Variants in NAV2 observed in about 807,000 individuals in gnomAD.
NAV2 encodes the protein neuron navigator 2.
Under a neutral mutation model 223.2 loss-of-function variants are expected in NAV2, and 54 were observed. The ratio of observed to expected loss-of-function variants is 0.24; its 90% confidence interval spans 0.19 to 0.30. NAV2 has a LOEUF of 0.30. Ranked by LOEUF, NAV2 falls within the 10% of genes least tolerant of loss-of-function variation. The pLI, the probability that NAV2 is intolerant of heterozygous loss-of-function variation, is 1.00. For missense variants in NAV2, 2,806 were observed against 3,147.5 expected, an observed-to-expected ratio of 0.89 and a Z score of 2.60; for synonymous variants, 1,279 against 1,239.3, an observed-to-expected ratio of 1.03 and a Z score of -0.67.
intron 10 of NAV2, among the ~76,000 whole-genome samples, chr11:19,969,717 C>T (rs1461724736): frequency 3.3e-5 from 5 of 151,960 alleles, no homozygotes; most frequent in Middle Eastern, 3.4e-3. Context: ...CTGAGGCGGG[C>T]GGATAATGAG....
At chr11:19,685,020 A>T (rs1033543347) in intron 1 of NAV2, among the ~76,000 whole-genome samples, 2 of 152,150 alleles carry the variant, frequency 1.3e-5, no homozygotes, top group African/African-American at 4.8e-5. Flanking sequence ...TCCTTCCCTC[A>T]TTCTAGCTGT....
chr11:19,617,499 G>T (rs1222948060), intron 1 of NAV2, among the ~76,000 whole-genome samples: 1 of 152,192 alleles, frequency 6.6e-6, no homozygotes, highest in Non-Finnish European at 1.5e-5. Flanking sequence ...GACAGACACA[G>T]GCCTGCCTTC....
At chr11:19,786,708 G>T (rs2057143143) in intron 1 of NAV2, among the ~76,000 whole-genome samples, 1 of 152,190 alleles carries the variant, frequency 6.6e-6, no homozygotes, top group South Asian at 2.1e-4. Flanking sequence ...GGAACCTGGG[G>T]GAGAGGGAAA....
rs145082389 is a variant in NAV2 at position 20,076,616 on chromosome 11, C to G, written c.4984-936C>G. Among the ~76,000 whole-genome samples the G allele has an allele frequency of 2.4e-3, 359 of 152,284 alleles. 2 individuals carry two copies. The highest frequency in any genetic ancestry group is 4.5e-3 in the Admixed American group (69 of 15,290). On this transcript the variant is annotated intron_variant, in intron 22 of 37. Coordinates refer to ENST00000349880, the MANE Select transcript of NAV2 (RefSeq NM_145117.5). Reference sequence around the variant, plus strand: ...TAATAACATTACCAGGATTCTCATTCAATCAACTAATATATCACCTACTAC... The same window carrying G: ...TAATAACATTACCAGGATTCTCATTGAATCAACTAATATATCACCTACTAC...
intron 1 of NAV2, among the ~76,000 whole-genome samples, chr11:19,704,734 C>T (rs1283789047): frequency 1.3e-5 from 2 of 152,064 alleles, no homozygotes; most frequent in African/African-American, 2.4e-5. Flanking sequence ...GAATAGAGGC[C>T]GGGCGCGGTG....
intron 1 of NAV2, among the ~76,000 whole-genome samples, chr11:19,552,385 A>G (rs2044716508): frequency 6.6e-6 from 1 of 152,122 alleles, no homozygotes; most frequent in African/African-American, 2.4e-5. Context: ...ACTTCTCTGA[A>G]TCAATTCCCA....
chr11:19,956,720 C>A (rs1021143765), intron 10 of NAV2, among the ~76,000 whole-genome samples: 1 of 152,164 alleles, frequency 6.6e-6, no homozygotes, highest in African/African-American at 2.4e-5. Context: ...ACCCTGGAAG[C>A]TCTCTGAGTC....
intron 3 of NAV2, among the ~76,000 whole-genome samples, chr11:19,868,374 C>A (rs1380541412): frequency 2.0e-5 from 3 of 152,202 alleles, no homozygotes; most frequent in Admixed American, 2.0e-4. Flanking sequence ...ATCTCACAGA[C>A]TCTCGTGGGT....
rs560737009 is a variant in NAV2, at chr11:19,362,896, A to T, written c.75+11869A>T. ...ATTTGTTTATCAATTCATTCATTTG[A>T]TCATCCAGTCATTCAACAATTAATG... On this transcript the variant is annotated intron_variant, in intron 1 of 37. Coordinates refer to the NAV2 transcript ENST00000360655. Among the ~76,000 whole-genome samples the T allele has an allele frequency of 4.6e-5, 7 of 152,354 alleles. 1 individual carries two copies. Among genetic ancestry groups the T allele is most frequent in the Admixed American group, 4.6e-4 (7 of 15,306 alleles).
intron 1 of NAV2, among the ~76,000 whole-genome samples, chr11:19,508,511 C>T (rs997061195): frequency 1.3e-5 from 2 of 152,254 alleles, no homozygotes; most frequent in South Asian, 2.1e-4. Context: ...GGCTTCTCTT[C>T]GCAGTTCTCA....
intron 1 of NAV2, among the ~76,000 whole-genome samples, chr11:19,381,155 C>T (rs1450674933): frequency 2.0e-5 from 3 of 152,158 alleles, no homozygotes; most frequent in Admixed American, 1.3e-4. Flanking sequence ...ATCTAGGAAG[C>T]CTTCACTGAC....
In NAV2 at chr11:20,021,499, C is replaced by T. The variant is rs559370406; in HGVS notation, c.2769-14460C>T. 1.1e-4 allele frequency among the ~76,000 whole-genome samples: 16 copies of T among 152,288 alleles called. No individual in the cohort carries two copies. In the South Asian group the frequency reaches 3.3e-3, roughly 32 times the overall value. On this transcript the variant is annotated intron_variant, in intron 11 of 37. Coordinates refer to ENST00000349880, the MANE Select transcript of NAV2 (RefSeq NM_145117.5). ...ATACACACAATCACCATCCCATTCCCAAGTTAACTCGGATGTTGGACAGAT... is the reference window on the plus strand; with the variant it reads ...ATACACACAATCACCATCCCATTCCTAAGTTAACTCGGATGTTGGACAGAT...
chr11:19,714,298 C>A (rs1023700566), intron 1 of NAV2: 15 of 544,610 alleles, frequency 2.8e-5, no homozygotes, highest in African/African-American at 2.2e-4. Context: ...GAGGTCTTGG[C>A]CCCAAGAAGC....
At chr11:19,500,111 T>C (rs1203712273) in intron 1 of NAV2, among the ~76,000 whole-genome samples, 3 of 152,180 alleles carry the variant, frequency 2.0e-5, no homozygotes, top group Non-Finnish European at 2.9e-5. Context: ...CCAAGTGATA[T>C]GTCTTAGCCA....
At chr11:20,083,273 C>T in intron 26 of NAV2, 94 bp downstream of exon 26, 1 of 986,120 alleles carries the variant, frequency 1.0e-6, no homozygotes, top group East Asian at 2.4e-5. Flanking sequence ...ACATCTGCTC[C>T]TTGGGATCCT....
chr11:19,548,814 C>A (rs1289198197), intron 1 of NAV2, among the ~76,000 whole-genome samples: 5 of 145,674 alleles, frequency 3.4e-5, no homozygotes, highest in Non-Finnish European at 5.9e-5. Context: ...GAAGGCGGAG[C>A]TTGCAGTGAG....
chr11:19,717,636 T>A (rs2050410403), intron 1 of NAV2, among the ~76,000 whole-genome samples: 1 of 152,228 alleles, frequency 6.6e-6, no homozygotes, highest in Admixed American at 6.5e-5. Flanking sequence ...GAACAAAGGC[T>A]TTGCAGCTGA....
At chr11:19,371,652 G>A (rs950533441) in intron 1 of NAV2, among the ~76,000 whole-genome samples, 1 of 152,022 alleles carries the variant, frequency 6.6e-6, no homozygotes, top group Non-Finnish European at 1.5e-5. Flanking sequence ...TAGTTATTAA[G>A]TCAAGATTCA....
At chr11:19,516,316 C>T (rs1227207067) in intron 1 of NAV2, among the ~76,000 whole-genome samples, 3 of 152,086 alleles carry the variant, frequency 2.0e-5, no homozygotes, top group Non-Finnish European at 4.4e-5. Context: ...CCCACAATAC[C>T]GAATGAACTG....
Sources: allele counts gnomAD v4.1 joint callset (sites outside exome capture counted in the v4.1 genomes callset), GRCh38; gene constraint gnomAD v4.1.1; transcripts MANE v1.5; gene names NCBI Gene and HGNC (gene_info 2026-07-23, HGNC 2026-07-21).